Variants in RYR3 observed in about 807,000 individuals in gnomAD.
RYR3 encodes brain ryanodine receptor-calcium release channel.
A neutral mutation model predicts 584.3 loss-of-function variants in RYR3; 207 were observed. The observed-to-expected ratio is 0.35, with a 90% CI of 0.32 to 0.40. The LOEUF (loss-of-function observed/expected upper bound fraction) is 0.40. RYR3 is among the 10% of genes least tolerant of loss of function. RYR3 has a pLI of 1.00. For missense variants in RYR3, 5,616 were observed against 6,089.2 expected (o/e 0.92, Z 2.59); for synonymous variants, 2,416 against 2,248.5 (o/e 1.07, Z -2.11).
intron 1 of RYR3, among the ~76,000 whole-genome samples, chr15:33,371,813 G>C (rs531088136): frequency 1.0e-3 from 152 of 152,318 alleles, no homozygotes; most frequent in Non-Finnish European, 1.8e-3. Flanking sequence ...ATCCTAGATA[G>C]CTGCCTACAA....
intron 16 of RYR3, among the ~76,000 whole-genome samples, chr15:33,587,105 TGGGCAGCAGAAAGC>T (rs1316552466): frequency 3.9e-5 from 6 of 152,104 alleles, no homozygotes; most frequent in Non-Finnish European, 8.8e-5. Flanking sequence ...GCATCAGCCG[TGGGCAGCAGAAAGC>T]CATGGTCCTT....
intron 39 of RYR3, among the ~76,000 whole-genome samples, 199 bp from the exon 40 acceptor site, chr15:33,697,683 T>C (rs925617435): frequency 6.6e-6 from 1 of 152,176 alleles, no homozygotes; most frequent in Admixed American, 6.5e-5. Context: ...TACTTAGAAA[T>C]AGAGGAGCAC....
Position 33,729,125 on chromosome 15 carries a change from A to G in RYR3, c.7203+99A>G, listed in dbSNP as rs900431099. ...TATTTTCTCTTTACTCACCAATTAC[A>G]TTTTAATAGCTTACTTTAATGGGTG... On this transcript the variant is annotated intron_variant, in intron 47 of 103. Transcript: ENST00000634891. 1.2e-5 allele frequency: 11 copies of G among 950,096 alleles called. No homozygotes were observed. The African/African-American group carries it at 1.3e-4, about 11-fold the overall frequency. 58.9% of individuals were successfully genotyped at this position (950,096 alleles called of 1,614,324 possible).
At chr15:33,830,756 CCTAT>C (rs2077628366) in intron 85 of RYR3, 3 of 431,076 alleles carry the variant, frequency 7.0e-6, no homozygotes, top group South Asian at 1.1e-4. Flanking sequence ...AGTCCTCACT[CCTAT>C]CTATTCTTTC....
At position 33,311,172 on chromosome 15, in the gene RYR3, C is replaced by T. The variant is rs1056952897; in HGVS notation, c.51+76C>T. 3.1e-5 allele frequency: 36 copies of T among 1,159,878 alleles called. No individual in the cohort carries two copies. The highest frequency in any genetic ancestry group is 3.7e-5 in the Non-Finnish European group (32 of 864,394). 71.8% of individuals were successfully genotyped at this position (1,159,878 alleles called of 1,614,324 possible). A position where few individuals can be genotyped will look rare whatever the true frequency, so the allele number is the denominator to read the frequency against. ...GAGCGCGGCGAGGAGGGGCTGGCTGCGCTGCGCCGCGGTGCCGGGTGCCCG... is the reference window on the plus strand; with the variant it reads ...GAGCGCGGCGAGGAGGGGCTGGCTGTGCTGCGCCGCGGTGCCGGGTGCCCG... On this transcript the variant is annotated intron_variant, in intron 1 of 103. Coordinates refer to ENST00000634891, the MANE Select transcript of RYR3 (RefSeq NM_001036.6). The surrounding 1 kb of genome is among the most constrained non-coding windows in gnomAD (Gnocchi z 4.4).
chr15:33,700,871 G>C, intron 41 of RYR3, 106 bp from the exon 42 acceptor site: 1 of 694,926 alleles, frequency 1.4e-6, no homozygotes, highest in Non-Finnish European at 2.4e-6. Flanking sequence ...CCAGGTTTCA[G>C]TGTGTTTGCT....
intron 1 of RYR3, among the ~76,000 whole-genome samples, chr15:33,312,467 C>G (rs781709361): frequency 2.6e-5 from 4 of 152,164 alleles, no homozygotes; most frequent in Non-Finnish European, 4.4e-5. Context: ...CCTGCAGACC[C>G]AGACTCCATT....
At chr15:33,554,670 C>T (rs182199441) in intron 10 of RYR3, among the ~76,000 whole-genome samples, 2 of 152,314 alleles carry the variant, frequency 1.3e-5, no homozygotes, top group African/African-American at 4.8e-5. Flanking sequence ...CTTCCCAGTA[C>T]ACACCCAATG....
At chr15:33,564,236 A>G (rs999242377) in intron 11 of RYR3, among the ~76,000 whole-genome samples, 3 of 152,160 alleles carry the variant, frequency 2.0e-5, no homozygotes, top group Non-Finnish European at 1.5e-5. Flanking sequence ...CAAAAACATG[A>G]GCCTAAAATT....
rs946348627 is a variant in RYR3, at chr15:33,865,950, T to C, written c.*724T>C. ...TCAACTGCTGTTATTAGAAGAAAAG[T>C]ACTGTACTGAAAATTCAGAAAAAAA... On this transcript the variant is annotated 3_prime_UTR_variant, in exon 104 of 104. Transcript: ENST00000634891. The C allele has an allele frequency of 2.0e-5, 3 of 152,780 alleles. No individual in the cohort carries two copies. The highest frequency in any genetic ancestry group is 4.4e-5 in the Non-Finnish European group (3 of 68,166). The allele number at this position is 152,780 out of a possible 1,614,324, so 9.5% of individuals were successfully genotyped here.
At chr15:33,701,647 G>C (rs1294098348) in intron 42 of RYR3, among the ~76,000 whole-genome samples, 1 of 152,058 alleles carries the variant, frequency 6.6e-6, no homozygotes, top group Non-Finnish European at 1.5e-5. Flanking sequence ...AACCTGGAGG[G>C]GGAGGGGGGT....
intron 1 of RYR3, among the ~76,000 whole-genome samples, chr15:33,419,630 T>A (rs560854866): frequency 4.6e-5 from 7 of 152,310 alleles, no homozygotes; most frequent in Admixed American, 2.6e-4. Context: ...TTTGACAGTG[T>A]GAGCACATAA....
intron 98 of RYR3, among the ~76,000 whole-genome samples, chr15:33,857,132 A>G (rs1204490177): frequency 2.0e-5 from 3 of 152,156 alleles, no homozygotes; most frequent in Non-Finnish European, 4.4e-5. Context: ...TGCCCTATAC[A>G]TTAGTCTGCT....
rs1444651839 is a variant in RYR3, at chr15:33,838,383, T to C, written c.12403T>C (p.Ser4135Pro). ...EIAGEEEEDG[S>P]LEPASAFAMA... ...TGCGGGTGAAGAGGAAGAAGACGGG[T>C]CTCTTGAGCCGGCCTCTGCATTTGC... The change falls in exon 89 of 104, where the codon TCT becomes CCT. Residue 4135 changes from serine (S) to proline (P), a missense_variant. Physicochemically the swap from Ser to Pro is moderately conservative, Grantham distance 74. This residue lies in a region of RYR3 where 258 missense variants were observed against 297.3 expected (regional missense o/e 0.87). Coordinates refer to ENST00000634891, the MANE Select transcript of RYR3 (RefSeq NM_001036.6). 1 of 1,613,764 alleles carries C rather than the reference T, an allele frequency of 6.2e-7. No individual in the cohort carries two copies. The highest frequency in any genetic ancestry group is 8.5e-7 in the Non-Finnish European group (1 of 1,179,880).
chr15:33,859,412 C>G (rs1376092676), intron 99 of RYR3, among the ~76,000 whole-genome samples, 163 bp from the exon 100 acceptor site: 2 of 152,212 alleles, frequency 1.3e-5, no homozygotes, highest in Admixed American at 6.5e-5. Context: ...CCAGAGGGTG[C>G]AGTGGACAGC....
At chr15:33,790,245 G>A (rs1326303665) in intron 67 of RYR3, among the ~76,000 whole-genome samples, 4 of 149,692 alleles carry the variant, frequency 2.7e-5, no homozygotes, top group East Asian at 2.0e-4. Flanking sequence ...CACCCACCTC[G>A]ACCTCCCAAA....
At chr15:33,587,012 G>T (rs1274687977) in intron 16 of RYR3, among the ~76,000 whole-genome samples, 1 of 144,094 alleles carries the variant, frequency 6.9e-6, no homozygotes, top group Non-Finnish European at 1.6e-5. Flanking sequence ...GTCTCTGCTT[G>T]TCATCATCTG....
At chr15:33,435,429 C>G (rs1433337638) in intron 1 of RYR3, among the ~76,000 whole-genome samples, 1 of 152,048 alleles carries the variant, frequency 6.6e-6, no homozygotes, top group African/African-American at 2.4e-5. Context: ...ATGCTTTTTT[C>G]CAGTCAGTGT....
At chr15:33,553,862 A>G (rs1345042623) in intron 10 of RYR3, among the ~76,000 whole-genome samples, 1 of 152,200 alleles carries the variant, frequency 6.6e-6, no homozygotes, top group African/African-American at 2.4e-5. Flanking sequence ...AGTCTGTCAT[A>G]AAAGATCATT....
Sources: gnomAD v4.1 joint callset for allele counts (sites outside exome capture counted in the v4.1 genomes callset) on GRCh38, gnomAD v4.1.1 for gene constraint, gnomAD v4.1.1 regional missense constraint, Gnocchi (gnomAD v3.1) non-coding constraint, MANE v1.5 for transcripts, NCBI Gene and HGNC (gene_info 2026-07-23, HGNC 2026-07-21) for gene names.